The following CDH13 variants were observed in gnomAD, a reference collection of about 807,000 sequenced individuals.
CDH13 encodes the protein cadherin-13.
A neutral mutation model predicts 63.8 loss-of-function variants in CDH13; 24 were observed. That is an observed-to-expected ratio of 0.38 (90% CI 0.27 to 0.53). CDH13 has a LOEUF of 0.53. CDH13 is among the 20% of genes least tolerant of loss of function. The pLI is 0.85. For synonymous variants in CDH13, 503 were observed against 355.3 expected, an observed-to-expected ratio of 1.42 and a Z score of -4.67; for missense variants, 1,049 against 903.1, an observed-to-expected ratio of 1.16 and a Z score of -2.07.
intron 1 of CDH13, chr16:82,719,446 C>G (rs1454803538): frequency 2.2e-6 from 1 of 455,864 alleles, no homozygotes; most frequent in South Asian, 1.6e-5. Flanking sequence ...AGTTTTCCCA[C>G]TTGCAGAAGG....
intron 1 of CDH13, among the ~76,000 whole-genome samples, chr16:82,636,435 C>T (rs765424602): frequency 6.6e-5 from 10 of 152,284 alleles, no homozygotes; most frequent in Non-Finnish European, 1.2e-4. Flanking sequence ...AAGTGACCGA[C>T]GTGCAGCCTG....
chr16:83,427,979 T>C (rs1239227624), intron 6 of CDH13, among the ~76,000 whole-genome samples: 2 of 152,242 alleles, frequency 1.3e-5, no homozygotes, highest in Non-Finnish European at 2.9e-5. Flanking sequence ...GCCAGGGTGA[T>C]CTGTAGCTGA....
chr16:83,710,649 A>C (rs1907897939), intron 10 of CDH13: 1 of 152,154 alleles, frequency 6.6e-6, no homozygotes, highest in Admixed American at 6.5e-5. Context: ...CTTAGCAGCC[A>C]TAAGACCTCG....
chr16:83,601,251 G>A (rs1208543585), intron 7 of CDH13, among the ~76,000 whole-genome samples: 1 of 152,060 alleles, frequency 6.6e-6, no homozygotes, highest in East Asian at 1.9e-4. Context: ...TATGATTGTG[G>A]ACCAATTCAA....
At chr16:83,505,195 C>G (rs1258630325) in intron 7 of CDH13, among the ~76,000 whole-genome samples, 2 of 152,206 alleles carry the variant, frequency 1.3e-5, no homozygotes, top group Admixed American at 1.3e-4. Flanking sequence ...CTCCAGATCC[C>G]CAGGCTTCCC....
chr16:83,637,118 C>T (rs958896700), intron 8 of CDH13, among the ~76,000 whole-genome samples: 1 of 152,120 alleles, frequency 6.6e-6, no homozygotes, highest in Admixed American at 6.6e-5. Context: ...TGTAGAAAAC[C>T]ATTTTAAATA....
chr16:83,779,241 C>T (rs1378869676), intron 11 of CDH13, among the ~76,000 whole-genome samples: 1 of 151,358 alleles, frequency 6.6e-6, no homozygotes, highest in Admixed American at 6.6e-5. Context: ...CCCATCTGTA[C>T]TAAAACTACA....
chr16:83,214,896 G>C (rs2039451105), intron 4 of CDH13, among the ~76,000 whole-genome samples: 1 of 151,996 alleles, frequency 6.6e-6, no homozygotes, highest in African/African-American at 2.4e-5. Flanking sequence ...AATCCGTGGA[G>C]TTCATTCTCG....
At chr16:83,256,895 A>G (rs1287703114) in intron 5 of CDH13, among the ~76,000 whole-genome samples, 1 of 150,524 alleles carries the variant, frequency 6.6e-6, no homozygotes, top group Non-Finnish European at 1.5e-5. Flanking sequence ...GTTAGACTTC[A>G]TGCTCCCTGG....
chr16:83,749,480 A>C (rs1166422542), intron 11 of CDH13, among the ~76,000 whole-genome samples: 2 of 152,220 alleles, frequency 1.3e-5, no homozygotes, highest in Non-Finnish European at 2.9e-5. Context: ...AAGAAAAGGA[A>C]AAAATAACTG....
At chr16:82,850,629 C>T (rs1475187072) in intron 1 of CDH13, among the ~76,000 whole-genome samples, 2 of 152,140 alleles carry the variant, frequency 1.3e-5, no homozygotes, top group African/African-American at 4.8e-5. Flanking sequence ...TAGATGCTAC[C>T]AAATAGCATC....
At chr16:82,715,646 G>T (rs779889831) in intron 1 of CDH13, among the ~76,000 whole-genome samples, 1 of 152,080 alleles carries the variant, frequency 6.6e-6, no homozygotes, top group Non-Finnish European at 1.5e-5. Context: ...CATCCCCACC[G>T]TCTGTGCCCT....
intron 4 of CDH13, among the ~76,000 whole-genome samples, chr16:83,209,745 C>G (rs934732735): frequency 2.0e-5 from 3 of 152,082 alleles, no homozygotes; most frequent in African/African-American, 7.2e-5. Flanking sequence ...AGGTGCTCCC[C>G]TAGCTTTAAC....
chr16:83,328,123 CAAAA>C (rs56838139), intron 5 of CDH13, among the ~76,000 whole-genome samples: 10 of 136,172 alleles, frequency 7.3e-5, no homozygotes, highest in Admixed American at 2.2e-4. Context: ...ACAGTATTGT[CAAAA>C]AAAAAAAAAA....
At chr16:83,001,048 C>G (rs772677226) in intron 2 of CDH13, among the ~76,000 whole-genome samples, 1 of 152,236 alleles carries the variant, frequency 6.6e-6, no homozygotes, top group African/African-American at 2.4e-5. Flanking sequence ...ACACATAGAG[C>G]TTCCTTTGTG....
At chr16:82,843,960 T>C (rs1032547798) in intron 1 of CDH13, among the ~76,000 whole-genome samples, 5 of 152,176 alleles carry the variant, frequency 3.3e-5, no homozygotes, top group Non-Finnish European at 5.9e-5. Flanking sequence ...ATGGAATGAC[T>C]CCCTCGTGGA....
intron 6 of CDH13, among the ~76,000 whole-genome samples, chr16:83,446,635 C>G (rs946060882): frequency 1.3e-5 from 2 of 152,162 alleles, no homozygotes; most frequent in South Asian, 2.1e-4. Flanking sequence ...TCCATCTCCT[C>G]TCTTTCTGGT....
At chr16:82,709,176 C>T (rs1011521319) in intron 1 of CDH13, among the ~76,000 whole-genome samples, 3 of 152,174 alleles carry the variant, frequency 2.0e-5, no homozygotes, top group Non-Finnish European at 4.4e-5. Context: ...TTTGAATACG[C>T]CCTTAGCAGT....
chr16:83,330,627 G>A (rs1460852166), intron 5 of CDH13, among the ~76,000 whole-genome samples: 1 of 152,178 alleles, frequency 6.6e-6, no homozygotes, highest in Admixed American at 6.5e-5. Flanking sequence ...GGGAATGAGA[G>A]CCAGAAAAAC....
Sources: gnomAD v4.1 joint callset for allele counts (sites outside exome capture counted in the v4.1 genomes callset) on GRCh38, gnomAD v4.1.1 for gene constraint, MANE v1.5 for transcripts, NCBI Gene and HGNC (gene_info 2026-07-23, HGNC 2026-07-21) for gene names.